Variants in NASP observed in about 807,000 individuals in gnomAD.
NASP encodes the protein NASP histone chaperone.
A neutral mutation model predicts 89.5 loss-of-function variants in NASP; 24 were observed. The observed-to-expected ratio is 0.27, with a 90% CI of 0.19 to 0.38. NASP has a LOEUF of 0.38. Among genes scored for constraint, NASP ranks in the 10% least tolerant of loss-of-function variants. The probability of loss-of-function intolerance (pLI) is 1.00; values close to 1 mark genes in which losing one functional copy is unlikely to be tolerated. For synonymous variants in NASP, 306 were observed against 324.7 expected, an observed-to-expected ratio of 0.94 and a Z score of 0.62; for missense variants, 848 against 921.4, an observed-to-expected ratio of 0.92 and a Z score of 1.03.
chr1:45,584,272 C>T, intron 1 of NASP, 67 bp downstream of exon 1: 2 of 1,453,034 alleles, frequency 1.4e-6, no homozygotes. Flanking sequence ...GACGGGGGCT[C>T]CGGAGAAGGG....
intron 3 of NASP, among the ~76,000 whole-genome samples, chr1:45,602,703 G>T (rs979192375): frequency 2.5e-4 from 38 of 152,174 alleles, no homozygotes; most frequent in African/African-American, 8.7e-4. Flanking sequence ...GAGTGCAGTG[G>T]CACAATCTCA....
rs1378503990 is a variant in NASP, at chr1:45,608,176, A to G, written c.1265A>G (p.Gln422Arg). 6.2e-6 allele frequency: 10 copies of G among 1,614,200 alleles called. No individual in the cohort carries two copies. The highest frequency in any genetic ancestry group is 8.5e-6 in the Non-Finnish European group (10 of 1,180,014). The change falls in exon 6 of 15, where the codon CAG becomes CGG. Residue 422 changes from glutamine to arginine, a missense_variant. Around this residue, in one of 5 missense-constraint regions of NASP, gnomAD observed 464 missense variants for 469.4 expected, o/e 0.99. Transcript: ENST00000350030. ...GTCAGGGCAAAGCTGGTTCCTAGTC[A>G]GGAGGAGACTAAGCTGTCTGTAGAA... ...EKVRAKLVPS[Q>R]EETKLSVEES...
At chr1:45,593,323 A>G (rs1643598811) in intron 2 of NASP, among the ~76,000 whole-genome samples, 1 of 152,148 alleles carries the variant, frequency 6.6e-6, no homozygotes, top group Non-Finnish European at 1.5e-5. Context: ...ACTTGAGGTC[A>G]GGAGTTCAAG....
chr1:45,601,902 G>A (rs1221246323), intron 2 of NASP, among the ~76,000 whole-genome samples: 1 of 151,548 alleles, frequency 6.6e-6, no homozygotes, highest in Non-Finnish European at 1.5e-5. Flanking sequence ...ACAGGCACCC[G>A]CCACCACGCC....
At chr1:45,586,270 GTGTGTGTGTGTGTGGTGTGTGT>G (rs1644538561) in intron 1 of NASP, among the ~76,000 whole-genome samples, 1 of 62,270 alleles carries the variant, frequency 1.6e-5, no homozygotes. Flanking sequence ...GTGTGTGTGT[GTGTGTGTGTGTGTGGTGTGTGT>G]GTGTGTGTGT....
intron 2 of NASP, among the ~76,000 whole-genome samples, chr1:45,596,591 G>A (rs1052069705): frequency 1.3e-5 from 2 of 152,136 alleles, no homozygotes; most frequent in African/African-American, 2.4e-5. Flanking sequence ...TTATGTAATC[G>A]TTCATAAGTA....
intron 1 of NASP, among the ~76,000 whole-genome samples, chr1:45,585,933 A>C (rs1644527290): frequency 6.6e-6 from 1 of 152,090 alleles, no homozygotes; most frequent in East Asian, 1.9e-4. Flanking sequence ...GGCACGGCGC[A>C]GGGCCAGGTG....
At chr1:45,606,193 A>AG (rs1353224150) in intron 4 of NASP, among the ~76,000 whole-genome samples, 1 of 152,230 alleles carries the variant, frequency 6.6e-6, no homozygotes, top group Non-Finnish European at 1.5e-5. Flanking sequence ...TTTGGGAAAT[A>AG]GTATGGTCCT....
chr1:45,584,088 A>G lies in NASP; in HGVS notation c.-59A>G. ...CCTGAGTGAGTCTCTGGCGTCCCAA[A>G]TTGCCTGTTTTTCTCGCAGGCTCTA... On this transcript the variant is annotated 5_prime_UTR_variant, in exon 1 of 15. Coordinates refer to ENST00000350030, the MANE Select transcript of NASP (RefSeq NM_002482.4). 1 of 1,490,088 alleles carries G rather than the reference A, an allele frequency of 6.7e-7. No homozygotes were observed. The allele number at this position is 1,490,088 out of a possible 1,614,324, so 92.3% of individuals were successfully genotyped here. A position where few individuals can be genotyped will look rare whatever the true frequency, so the allele number is the denominator to read the frequency against.
At chr1:45,611,455 A>ATTTT (rs1491053351) in intron 6 of NASP, 1 of 96,064 alleles carries the variant, frequency 1.0e-5, no homozygotes, top group African/African-American at 4.0e-5. Context: ...CATCGCCATT[A>ATTTT]CTTTTTTTTT....
intron 2 of NASP, among the ~76,000 whole-genome samples, chr1:45,601,257 A>G (rs1441171017): frequency 6.6e-6 from 1 of 152,222 alleles, no homozygotes; most frequent in Non-Finnish European, 1.5e-5. Context: ...AGCCAAAGTC[A>G]CTAAGATTTT....
At chr1:45,594,037 A>G (rs1343828565) in intron 2 of NASP, among the ~76,000 whole-genome samples, 1 of 151,756 alleles carries the variant, frequency 6.6e-6, no homozygotes, top group Non-Finnish European at 1.5e-5. Flanking sequence ...TCCAAAAAAA[A>G]AAGGAAAGAA....
intron 4 of NASP, among the ~76,000 whole-genome samples, chr1:45,605,468 G>GTT (rs1000976933): frequency 1.4e-5 from 2 of 145,628 alleles, no homozygotes; most frequent in African/African-American, 5.0e-5. Context: ...TTCTGGTAAG[G>GTT]TTTTTTTTTT....
At position 45,618,873 on chromosome 1, in the gene NASP, C is replaced by CA. The variant is rs1305225163; in HGVS notation, c.*735dup. 1 of 152,112 alleles carries CA rather than the reference C, an allele frequency of 6.6e-6. No individual in the cohort carries two copies. The highest frequency in any genetic ancestry group is 2.4e-5 in the African/African-American group (1 of 41,402). The allele number at this position is 152,112 out of a possible 1,614,324, so 9.4% of individuals were successfully genotyped here. A position where few individuals can be genotyped will look rare whatever the true frequency, so the allele number is the denominator to read the frequency against. On this transcript the variant is annotated 3_prime_UTR_variant, in exon 15 of 15. Coordinates refer to ENST00000350030, the MANE Select transcript of NASP (RefSeq NM_002482.4). ...TTACCCATCTGCAGAATTGACTTCTCAAATAAAGATGCTAAAAATCTCCTT... is the reference window on the plus strand; with the variant it reads ...TTACCCATCTGCAGAATTGACTTCTCAAAATAAAGATGCTAAAAATCTCCTT...
At chr1:45,599,047 C>G (rs1643768778) in intron 2 of NASP, among the ~76,000 whole-genome samples, 1 of 152,154 alleles carries the variant, frequency 6.6e-6, no homozygotes, top group Non-Finnish European at 1.5e-5. Context: ...CTAACCCTCT[C>G]TAATACTCCT....
chr1:45,600,937 T>C (rs2148348499), intron 2 of NASP, among the ~76,000 whole-genome samples: 1 of 152,332 alleles, frequency 6.6e-6, no homozygotes, highest in East Asian at 1.9e-4. Flanking sequence ...GAGTGAGCAA[T>C]AATGTTGGCA....
chr1:45,614,251 AC>A (rs1012649973), intron 8 of NASP, 41 bp from the exon 9 acceptor site: 1 of 1,598,584 alleles, frequency 6.3e-7, no homozygotes, highest in African/African-American at 1.3e-5. Context: ...TTAGGGTTAG[AC>A]AGGTACTGTT....
intron 2 of NASP, among the ~76,000 whole-genome samples, chr1:45,593,549 A>AT (rs1464595891): frequency 5.3e-5 from 8 of 151,470 alleles, no homozygotes; most frequent in Non-Finnish European, 2.9e-5. Flanking sequence ...AAAAAAAAAA[A>AT]AAAAAACTCC....
At chr1:45,588,253 G>A (rs1433599072) in intron 1 of NASP, among the ~76,000 whole-genome samples, 7 of 151,544 alleles carry the variant, frequency 4.6e-5, no homozygotes, top group African/African-American at 1.7e-4. Flanking sequence ...ACAGGCGCCC[G>A]CCACCACACC....
Sources: gnomAD v4.1 joint callset for allele counts (sites outside exome capture counted in the v4.1 genomes callset) on GRCh38, gnomAD v4.1.1 for gene constraint, gnomAD v4.1.1 regional missense constraint, MANE v1.5 for transcripts, NCBI Gene and HGNC (gene_info 2026-07-23, HGNC 2026-07-21) for gene names.